Variants in DAW1 observed in about 807,000 individuals in gnomAD.
DAW1 encodes dynein assembly factor with WD repeats 1, also known as dynein assembly factor with WD repeat domains 1.
In DAW1, 47 loss-of-function variants were observed where a neutral mutation model predicts 56.5. The ratio of observed to expected loss-of-function variants is 0.83; its 90% confidence interval spans 0.66 to 1.06. The LOEUF (loss-of-function observed/expected upper bound fraction) is 1.06. Ranked by LOEUF, DAW1 falls within the 50% of genes least tolerant of loss-of-function variation. DAW1 has a pLI of 0.00. For missense variants in DAW1, 505 were observed against 499.3 expected (o/e 1.01, Z -0.11); for synonymous variants, 190 against 179.0 (o/e 1.06, Z -0.49).
chr2:227,910,660 TCG>T (rs1691793912), intron 10 of DAW1, among the ~76,000 whole-genome samples: 1 of 152,194 alleles, frequency 6.6e-6, no homozygotes, highest in Non-Finnish European at 1.5e-5. Context: ...TTATACTATT[TCG>T]GCATCATATT....
chr2:227,903,929 A>G (rs1297970928), intron 7 of DAW1, among the ~76,000 whole-genome samples: 9 of 152,128 alleles, frequency 5.9e-5, no homozygotes, highest in Non-Finnish European at 1.3e-4. Context: ...TCTTTCTTAA[A>G]TCTGAGTATC....
At chr2:227,909,232 TTATCTATCTATCTATC>T (rs3057690) in intron 10 of DAW1, among the ~76,000 whole-genome samples, 3 of 138,876 alleles carry the variant, frequency 2.2e-5, no homozygotes, top group Admixed American at 7.5e-5. Context: ...GGTGGTGATA[TTATCTATCTATCTATC>T]TATCTATCTA....
chr2:227,917,118 A>ATCTATCTATCTGTCTG (rs1164314350), intron 10 of DAW1, among the ~76,000 whole-genome samples: 35 of 91,518 alleles, frequency 3.8e-4, no homozygotes, highest in African/African-American at 2.1e-3. Flanking sequence ...GACAGTATCT[A>ATCTATCTATCTGTCTG]TCTATCTATC....
intron 1 of DAW1, among the ~76,000 whole-genome samples, chr2:227,876,685 T>G (rs1479132863): frequency 2.6e-5 from 4 of 152,362 alleles, no homozygotes; most frequent in African/African-American, 9.6e-5. Flanking sequence ...TACTGAATTA[T>G]CCCTCTCCCT....
chr2:227,907,540 C>A (rs138339773), intron 10 of DAW1, among the ~76,000 whole-genome samples: 200 of 152,126 alleles, frequency 1.3e-3, no homozygotes, highest in African/African-American at 4.4e-3. Context: ...GGTCATCTCC[C>A]TGATTTTTAT....
At chr2:227,915,447 T>G (rs1263898027) in intron 10 of DAW1, among the ~76,000 whole-genome samples, 1 of 152,076 alleles carries the variant, frequency 6.6e-6, no homozygotes, top group Non-Finnish European at 1.5e-5. Flanking sequence ...TGGGTCAGTT[T>G]CCTAATGACC....
intron 10 of DAW1, among the ~76,000 whole-genome samples, chr2:227,911,249 T>TATATACACTTGTATATGTAC (rs1691810346): frequency 7.0e-6 from 1 of 142,800 alleles, no homozygotes; most frequent in Admixed American, 7.0e-5. Flanking sequence ...CATATATACA[T>TATATACACTTGTATATGTAC]ATATACACGT....
Position 227,921,470 on chromosome 2 carries a change from T to C in DAW1, c.1122T>C (p.Ala374=). The change falls in exon 12 of 13, where the codon GCT becomes GCC. Residue 374 remains alanine, a synonymous_variant. Transcript: ENST00000309931. ...ACAAAACGGCTAGAATCTGGGATGCTCAGACTGGCCAGTGCCTCCAGGTTC... is the reference window on the plus strand; with the variant it reads ...ACAAAACGGCTAGAATCTGGGATGCCCAGACTGGCCAGTGCCTCCAGGTTC... ...SSDKTARIWD[A]QTGQCLQVLE... is the part of the protein sequence containing the mutation. The C allele has an allele frequency of 2.5e-6, 4 of 1,614,060 alleles. No homozygotes were observed. Among genetic ancestry groups the C allele is most frequent in the Non-Finnish European group, 3.4e-6 (4 of 1,180,008 alleles).
chr2:227,898,210 A>G lies in DAW1; in HGVS notation c.469A>G (p.Lys157Glu). The G allele has an allele frequency of 6.3e-7, 1 of 1,575,572 alleles. No individual in the cohort carries two copies. Among genetic ancestry groups the G allele is most frequent in the Non-Finnish European group, 8.6e-7 (1 of 1,158,192 alleles). Reference sequence around the variant, plus strand: ...CAAAATCGCCACTGGGTCCTTTGATAAAACTTGTAAACTCTGGAGTGTGGA... The same window carrying G: ...CAAAATCGCCACTGGGTCCTTTGATGAAACTTGTAAACTCTGGAGTGTGGA... ...GDKIATGSFD[K>E]TCKLWSVETG... Residue 157 changes from lysine (K) to glutamate (E), a missense_variant, in exon 6 of 13, where the codon AAA (lysine) becomes GAA (glutamate). Lys to Glu is a moderately conservative substitution (Grantham distance 56, BLOSUM62 1). Coordinates refer to ENST00000309931, the MANE Select transcript of DAW1 (RefSeq NM_178821.3).
chr2:227,912,714 G>A (rs1388840519), intron 10 of DAW1, among the ~76,000 whole-genome samples: 1 of 152,090 alleles, frequency 6.6e-6, no homozygotes, highest in Non-Finnish European at 1.5e-5. Flanking sequence ...TCCCCTACCT[G>A]TTAATCATGT....
At chr2:227,907,100 A>C (rs1033415481) in intron 9 of DAW1, 38 bp from the exon 10 acceptor site, 1 of 1,435,596 alleles carries the variant, frequency 7.0e-7, no homozygotes, top group Non-Finnish European at 9.7e-7. Context: ...AGAAAGTCAT[A>C]GTCTTTTTTT....
At position 227,906,347 on chromosome 2, in the gene DAW1, A is replaced by C; in HGVS notation, c.858+9A>C. 1.3e-6 allele frequency: 2 copies of C among 1,587,588 alleles called. No individual in the cohort carries two copies. The highest frequency in any genetic ancestry group is 1.7e-6 in the Non-Finnish European group (2 of 1,159,290). ...TGGACAAAACCTGCAAGGTGAGCAA[A>C]ATAAATAAATATCTTTGCTTTATAT... On this transcript the variant is annotated intron_variant, in intron 9 of 12. Transcript: ENST00000309931.
At chr2:227,885,065 C>T (rs1232388775) in intron 1 of DAW1, among the ~76,000 whole-genome samples, 1 of 152,152 alleles carries the variant, frequency 6.6e-6, no homozygotes, top group Non-Finnish European at 1.5e-5. Flanking sequence ...AGTCGTTCCT[C>T]AAGCCCTGAA....
At chr2:227,917,991 G>A (rs1435897992) in intron 10 of DAW1, among the ~76,000 whole-genome samples, 2 of 152,092 alleles carry the variant, frequency 1.3e-5, no homozygotes, top group Admixed American at 1.3e-4. Flanking sequence ...TCTTCATCTG[G>A]CAAGGCAAAT....
chr2:227,875,289 C>A (rs1235473755), intron 1 of DAW1, among the ~76,000 whole-genome samples: 1 of 152,212 alleles, frequency 6.6e-6, no homozygotes, highest in Non-Finnish European at 1.5e-5. Context: ...AGCTTCCTTC[C>A]ACCCTTGCCC....
At chr2:227,915,779 A>G (rs1344716821) in intron 10 of DAW1, among the ~76,000 whole-genome samples, 2 of 152,108 alleles carry the variant, frequency 1.3e-5, no homozygotes. Context: ...ATGCTATCTT[A>G]TGTGTCATAT....
rs759653934 is a variant in DAW1, at chr2:227,903,074, GACATTC to G, written c.615_620del (p.Asp205_Gln207delinsGlu). The G allele has an allele frequency of 1.2e-6, 2 of 1,614,032 alleles. No individual in the cohort carries two copies. On this transcript the variant is annotated inframe_deletion, in exon 7 of 13. Coordinates refer to ENST00000309931, the MANE Select transcript of DAW1 (RefSeq NM_178821.3). The stretch of plus-strand genomic sequence containing the variant: ...TATGGACACAACAGCCAAATTGTGG[GACATTC>G]AGAATGGCGAGGAAGTTTACACCTT...
rs374987091 is a variant in DAW1, at chr2:227,885,432, G to C, written c.113+9G>C. The C allele has an allele frequency of 6.3e-7, 1 of 1,592,086 alleles. No homozygotes were observed. Among genetic ancestry groups the C allele is most frequent in the Non-Finnish European group, 8.5e-7 (1 of 1,171,612 alleles). The stretch of plus-strand genomic sequence containing the variant: ...CTTGATCTTGGTCCCAGGTAAGTAA[G>C]CTGTAGGATTCAACAAATAAATGTT... On this transcript the variant is annotated intron_variant, in intron 2 of 12. Coordinates refer to ENST00000309931, the MANE Select transcript of DAW1 (RefSeq NM_178821.3).
intron 7 of DAW1, among the ~76,000 whole-genome samples, chr2:227,903,501 C>T (rs1691599787): frequency 6.6e-6 from 1 of 152,150 alleles, no homozygotes. Context: ...CATCCTGTAT[C>T]ACAAAAGTCT....
Sources: gnomAD v4.1 joint callset for allele counts (sites outside exome capture counted in the v4.1 genomes callset) on GRCh38, gnomAD v4.1.1 for gene constraint, MANE v1.5 for transcripts, NCBI Gene and HGNC (gene_info 2026-07-23, HGNC 2026-07-21) for gene names.